The following DHRSX variants were observed in gnomAD, a reference collection of about 807,000 sequenced individuals.
DHRSX encodes polyprenol dehydrogenase.
Under a neutral mutation model 34.0 loss-of-function variants are expected in DHRSX, and 31 were observed. The ratio of observed to expected loss-of-function variants is 0.91; its 90% CI spans 0.69 to 1.23. DHRSX has a LOEUF of 1.23. Among genes scored for constraint, DHRSX ranks in the 50% most tolerant of loss-of-function variants. The pLI is 0.00. For missense variants in DHRSX, 414 were observed against 428.1 expected (o/e 0.97, Z 0.29); for synonymous variants, 201 against 183.8 (o/e 1.09, Z -0.76).
In DHRSX at chrX:2,346,126, C is replaced by G. The variant is rs1238782701; in HGVS notation, c.287-54523G>C. On this transcript the variant is annotated intron_variant, in intron 3 of 6. Coordinates refer to ENST00000334651, the MANE Select transcript of DHRSX (RefSeq NM_145177.3). ...GCCTCCTTGTAGACCCGATGAATTT[C>G]TACTCACTCTCTAAAATTTAACTCA... Among the ~76,000 whole-genome samples, 3 of 152,128 alleles carry G rather than the reference C, an allele frequency of 2.0e-5. No homozygotes were observed. The East Asian group carries it at 5.8e-4, about 29-fold the overall frequency.
At chrX:2,386,498 C>T (rs759995331) in intron 3 of DHRSX, among the ~76,000 whole-genome samples, 7 of 152,288 alleles carry the variant, frequency 4.6e-5, no homozygotes, top group African/African-American at 1.7e-4. Context: ...GGATTACAGG[C>T]GTGAGCCACT....
chrX:2,489,296 A>G, intron 1 of DHRSX: 1 of 1,613,910 alleles, frequency 6.2e-7, no homozygotes, highest in Non-Finnish European at 8.5e-7. Context: ...GCGGGGGTCC[A>G]GGAAGGTGGC....
chrX:2,370,037 AC>A (rs1462985290), intron 3 of DHRSX, among the ~76,000 whole-genome samples: 1 of 152,056 alleles, frequency 6.6e-6, no homozygotes, highest in Non-Finnish European at 1.5e-5. Flanking sequence ...ATGCTTCCCA[AC>A]CTGCTCCTCA....
intron 1 of DHRSX, among the ~76,000 whole-genome samples, chrX:2,458,518 A>G (rs28584731): frequency 0.23 from 34,958 of 152,086 alleles, 4,543 homozygotes; most frequent in African/African-American, 0.32. Context: ...AGGAAATCCT[A>G]CCATTTGCAG....
chrX:2,432,536 C>A (rs1439627254), intron 1 of DHRSX, among the ~76,000 whole-genome samples: 4 of 152,050 alleles, frequency 2.6e-5, no homozygotes, highest in Non-Finnish European at 4.4e-5. Flanking sequence ...GAACAGGGTA[C>A]AATTTCCAAA....
At chrX:2,324,352 T>C (rs145676003) in intron 3 of DHRSX, among the ~76,000 whole-genome samples, 1,634 of 152,254 alleles carry the variant, frequency 0.011, 45 homozygotes, top group Admixed American at 0.061. Context: ...CTCACTCCTC[T>C]CTCTCAGCCT....
chrX:2,485,127 G>C (rs1362667282), intron 1 of DHRSX, among the ~76,000 whole-genome samples: 1 of 152,108 alleles, frequency 6.6e-6, no homozygotes, highest in Non-Finnish European at 1.5e-5. Flanking sequence ...AAACCGAACC[G>C]AAAAATCCCA....
intron 3 of DHRSX, among the ~76,000 whole-genome samples, chrX:2,335,596 G>A (rs1405172555): frequency 6.6e-6 from 1 of 151,604 alleles, no homozygotes; most frequent in African/African-American, 2.4e-5. Context: ...GACTACAGGT[G>A]CCCGCCACCA....
chrX:2,329,001 A>G (rs1319110235), intron 3 of DHRSX, among the ~76,000 whole-genome samples: 1 of 152,206 alleles, frequency 6.6e-6, no homozygotes, highest in Non-Finnish European at 1.5e-5. Context: ...GTACCTACTA[A>G]GAGAGACATG....
chrX:2,394,209 CAAG>C (rs2043379982), intron 3 of DHRSX, among the ~76,000 whole-genome samples: 1 of 152,128 alleles, frequency 6.6e-6, no homozygotes, highest in Admixed American at 6.5e-5. Flanking sequence ...GAGGGCAGGA[CAAG>C]AATGGGAGTG....
intron 2 of DHRSX, among the ~76,000 whole-genome samples, chrX:2,422,349 G>T (rs929638432): frequency 1.3e-5 from 2 of 151,976 alleles, no homozygotes; most frequent in Admixed American, 6.6e-5. Flanking sequence ...TGCAACCTCC[G>T]GCTCCCTGGC....
chrX:2,322,690 A>AT (rs2042327001), intron 3 of DHRSX, among the ~76,000 whole-genome samples: 1 of 146,504 alleles, frequency 6.8e-6, no homozygotes, highest in Non-Finnish European at 1.5e-5. Context: ...CTAAAAAAAA[A>AT]CAAACAGCAT....
chrX:2,432,709 T>C (rs2043942660), intron 1 of DHRSX, among the ~76,000 whole-genome samples: 1 of 152,160 alleles, frequency 6.6e-6, no homozygotes, highest in Non-Finnish European at 1.5e-5. Context: ...AAAACAAAGT[T>C]AAACCATGAG....
At chrX:2,284,190 CAATT>C (rs2041774473) in intron 4 of DHRSX, among the ~76,000 whole-genome samples, 2 of 61,588 alleles carry the variant, frequency 3.2e-5, no homozygotes, top group Non-Finnish European at 1.1e-4. Context: ...ACATTCCTTT[CAATT>C]CATTTAGTCC....
chrX:2,264,362 C>A (rs1374227461), intron 5 of DHRSX, among the ~76,000 whole-genome samples: 5 of 151,410 alleles, frequency 3.3e-5, no homozygotes. Context: ...GAGCACTGTG[C>A]CCAGAGCACC....
intron 3 of DHRSX, among the ~76,000 whole-genome samples, chrX:2,350,425 T>C (rs183866282): frequency 6.6e-6 from 1 of 152,232 alleles, no homozygotes. Flanking sequence ...AATTCTGTCA[T>C]TTGCCACAAC....
intron 3 of DHRSX, among the ~76,000 whole-genome samples, chrX:2,376,978 G>C (rs185072856): frequency 2.7e-5 from 4 of 146,650 alleles, no homozygotes; most frequent in Admixed American, 1.4e-4. Flanking sequence ...TGGGTGACAA[G>C]AGCAAAAACT....
chrX:2,471,867 T>G (rs1007447546), intron 1 of DHRSX, among the ~76,000 whole-genome samples: 1 of 151,970 alleles, frequency 6.6e-6, no homozygotes, highest in African/African-American at 2.4e-5. Flanking sequence ...TGGGATTGGT[T>G]GGGTGTGGTG....
At chrX:2,299,391 C>A (rs1357797020) in intron 3 of DHRSX, among the ~76,000 whole-genome samples, 1 of 152,110 alleles carries the variant, frequency 6.6e-6, no homozygotes, top group Non-Finnish European at 1.5e-5. Context: ...CCTCTCGGCA[C>A]CTAGCATGGT....
Sources: gnomAD v4.1 joint callset for allele counts (sites outside exome capture counted in the v4.1 genomes callset) on GRCh38, gnomAD v4.1.1 for gene constraint, MANE v1.5 for transcripts, NCBI Gene and HGNC (gene_info 2026-07-23, HGNC 2026-07-21) for gene names.